CHN1: variants seen among roughly 807,000 people sequenced by gnomAD.
CHN1 encodes the protein N-chimaerin.
In CHN1, 37 loss-of-function variants were observed where a neutral mutation model predicts 59.5. The ratio of observed to expected loss-of-function variants is 0.62; its 90% CI spans 0.48 to 0.82. The LOEUF is 0.82. Among genes scored for constraint, CHN1 ranks in the 40% least tolerant of loss-of-function variants. The pLI is 0.00. For missense variants in CHN1, 469 were observed against 571.0 expected, an observed-to-expected ratio of 0.82 and a Z score of 1.82; for synonymous variants, 206 against 200.4, an observed-to-expected ratio of 1.03 and a Z score of -0.24.
chr2:174,961,547 C>A lies in CHN1; in HGVS notation c.20-9345G>T, dbSNP rs560233066. 2.4e-4 allele frequency among the ~76,000 whole-genome samples: 37 copies of A among 151,454 alleles called. 1 individual carries two copies. The highest frequency in any genetic ancestry group is 7.0e-4 in the African/African-American group (29 of 41,280). ...CGGAGGTTGCAGTGAGGTGAGATTG[C>A]GCCATTGCACTCCAGCCTGGGCAAA... On this transcript the variant is annotated intron_variant, in intron 1 of 12. Transcript: ENST00000409900.
At chr2:174,964,614 TA>T (rs1419012215) in intron 1 of CHN1, among the ~76,000 whole-genome samples, 1 of 152,170 alleles carries the variant, frequency 6.6e-6, no homozygotes, top group Non-Finnish European at 1.5e-5. Flanking sequence ...TTACGCATAA[TA>T]AAGCACCACA....
rs1014132019 is a variant in CHN1 at position 174,962,590 on chromosome 2, G to A, written c.20-10388C>T. Reference sequence around the variant, plus strand: ...GATAACCTATGACTTAAGAATAGCTGCTTAAAATATCTTTATCATGGTATG... The same window carrying A: ...GATAACCTATGACTTAAGAATAGCTACTTAAAATATCTTTATCATGGTATG... On this transcript the variant is annotated intron_variant, in intron 1 of 12. Transcript: ENST00000409900. Among the ~76,000 whole-genome samples, 3 of 144,766 alleles carry A rather than the reference G, an allele frequency of 2.1e-5. No homozygotes were observed. In the Admixed American group the frequency reaches 2.3e-4, roughly 11 times the overall value. The allele number at this position is 144,766 out of a possible 152,430, so 95.0% of individuals were successfully genotyped here. A position where few individuals can be genotyped will look rare whatever the true frequency, so the allele number is the denominator to read the frequency against.
At position 174,878,021 on chromosome 2, in the gene CHN1, G is replaced by A. The variant is rs1687624971; in HGVS notation, c.368C>T (p.Thr123Ile). The A allele has an allele frequency of 6.2e-7, 1 of 1,613,810 alleles. No homozygotes were observed. The highest frequency in any genetic ancestry group is 8.5e-7 in the Non-Finnish European group (1 of 1,179,814). The part of the protein sequence containing the change: ...IHDLVTDGLI[T>I]LYIETKAAEY... Reference sequence around the variant, plus strand: ...TGCTGCCTTGGTTTCAATATAGAGAGTAATCAAGCCATCAGTCACCAGATC... The same window carrying A: ...TGCTGCCTTGGTTTCAATATAGAGAATAATCAAGCCATCAGTCACCAGATC... Residue 123 changes from threonine to isoleucine, a missense_variant, in exon 6 of 13, where the codon ACT (threonine) becomes ATT (isoleucine). This residue lies in a region of CHN1 where 152 missense variants were observed against 166.1 expected (regional missense o/e 0.92). Coordinates refer to ENST00000409900, the MANE Select transcript of CHN1 (RefSeq NM_001822.7).
intron 5 of CHN1, among the ~76,000 whole-genome samples, chr2:174,884,939 A>G (rs1018333403): frequency 1.3e-5 from 2 of 152,180 alleles, no homozygotes; most frequent in African/African-American, 4.8e-5. Flanking sequence ...GACTTCATAA[A>G]TAGTTTCCCC....
intron 3 of CHN1, among the ~76,000 whole-genome samples, chr2:174,935,280 T>C (rs1689463860): frequency 6.6e-6 from 1 of 152,096 alleles, no homozygotes; most frequent in African/African-American, 2.4e-5. Flanking sequence ...GGAGAGGGAT[T>C]TTGCTTTATT....
intron 8 of CHN1, among the ~76,000 whole-genome samples, chr2:174,817,794 C>T (rs755310031): frequency 2.6e-5 from 4 of 152,088 alleles, no homozygotes; most frequent in South Asian, 2.1e-4. Context: ...CCCGCCACCA[C>T]GCCTGGCTAA....
intron 1 of CHN1, among the ~76,000 whole-genome samples, chr2:174,982,216 G>A (rs1691178130): frequency 6.6e-6 from 1 of 152,268 alleles, no homozygotes; most frequent in Non-Finnish European, 1.5e-5. Context: ...ATTTGGGTTG[G>A]TTCCAGGTCT....
chr2:174,994,028 G>A (rs1443679022), intron 1 of CHN1, among the ~76,000 whole-genome samples: 3 of 152,104 alleles, frequency 2.0e-5, no homozygotes, highest in Admixed American at 2.0e-4. Flanking sequence ...TTCCTATTCA[G>A]TTTGATTATG....
intron 5 of CHN1, among the ~76,000 whole-genome samples, chr2:174,883,583 G>A (rs1384657151): frequency 6.6e-6 from 1 of 152,074 alleles, no homozygotes; most frequent in African/African-American, 2.4e-5. Context: ...GGTCCCATAT[G>A]CTTCAATATG....
chr2:174,938,868 T>A (rs1237476197), intron 3 of CHN1, among the ~76,000 whole-genome samples: 5 of 152,134 alleles, frequency 3.3e-5, no homozygotes, highest in African/African-American at 1.2e-4. Context: ...TAAATATTTT[T>A]AAATATAAAC....
intron 1 of CHN1, among the ~76,000 whole-genome samples, chr2:174,994,973 C>A (rs1232955644): frequency 6.6e-6 from 1 of 152,094 alleles, no homozygotes; most frequent in East Asian, 1.9e-4. Context: ...TTTCCGATTA[C>A]AGACTCTCAT....
chr2:174,861,733 A>G lies in CHN1; in HGVS notation c.550-14776T>C, dbSNP rs77257066. Among the ~76,000 whole-genome samples the G allele has an allele frequency of 4.5e-3, 686 of 152,336 alleles. 8 individuals are homozygous for G. The highest frequency in any genetic ancestry group is 7.2e-3 in the Non-Finnish European group (493 of 68,024). ...AGGTATCTTAGCAACATAGCTGACTAAAGGAGACATTGAATTGAAAACAAT... is the reference window on the plus strand; with the variant it reads ...AGGTATCTTAGCAACATAGCTGACTGAAGGAGACATTGAATTGAAAACAAT... On this transcript the variant is annotated intron_variant, in intron 6 of 12. Transcript: ENST00000409900.
At chr2:174,801,895 T>A in intron 11 of CHN1, 83 bp from the exon 12 acceptor site, 1 of 1,021,740 alleles carries the variant, frequency 9.8e-7, no homozygotes, top group Non-Finnish European at 1.5e-6. Flanking sequence ...ATTCTTGTGA[T>A]AATGCTCTGA....
chr2:174,847,608 G>A, intron 6 of CHN1: 1 of 1,316,192 alleles, frequency 7.6e-7, no homozygotes, highest in Non-Finnish European at 1.0e-6. Flanking sequence ...GGAAGGTGGG[G>A]GGAAGGGAGG....
intron 7 of CHN1, among the ~76,000 whole-genome samples, chr2:174,827,615 C>T (rs140137900): frequency 1.1e-3 from 171 of 152,100 alleles, no homozygotes; most frequent in African/African-American, 3.6e-3. Context: ...GGGAGTGACA[C>T]GGTCAAGGGG....
At chr2:174,961,028 T>C (rs1013732147) in intron 1 of CHN1, among the ~76,000 whole-genome samples, 2 of 147,606 alleles carry the variant, frequency 1.4e-5, no homozygotes, top group Non-Finnish European at 1.5e-5. Context: ...CACAGGAAAC[T>C]GGGGTGGAAG....
rs372611145 is a variant in CHN1, at chr2:174,809,154, T to C, written c.965-112A>G. On this transcript the variant is annotated intron_variant, in intron 10 of 12. Coordinates refer to ENST00000409900, the MANE Select transcript of CHN1 (RefSeq NM_001822.7). The stretch of plus-strand genomic sequence containing the variant: ...TTTTAAAGATTAGCAATTCTTCAGT[T>C]TTTAACGTAAAATTTAGTGTGCTAC... 9 of 1,028,202 alleles carry C rather than the reference T, an allele frequency of 8.8e-6. No homozygotes were observed. The African/African-American group carries it at 1.3e-4, about 15-fold the overall frequency. The allele number at this position is 1,028,202 out of a possible 1,614,324, so 63.7% of individuals were successfully genotyped here. A position where few individuals can be genotyped will look rare whatever the true frequency, so the allele number is the denominator to read the frequency against.
chr2:174,959,218 T>A (rs947434356), intron 1 of CHN1, among the ~76,000 whole-genome samples: 1 of 152,216 alleles, frequency 6.6e-6, no homozygotes, highest in South Asian at 2.1e-4. Flanking sequence ...TAAGCTTAAC[T>A]GTGTAACAGG....
intron 1 of CHN1, among the ~76,000 whole-genome samples, chr2:174,999,933 G>C (rs866504603): frequency 6.6e-6 from 1 of 152,086 alleles, no homozygotes; most frequent in African/African-American, 2.4e-5. Context: ...GCTGCTTATA[G>C]GATGGTTACC....
Sources: allele counts gnomAD v4.1 joint callset (sites outside exome capture counted in the v4.1 genomes callset), GRCh38; gene constraint gnomAD v4.1.1; regional missense constraint gnomAD v4.1.1; transcripts MANE v1.5; gene names NCBI Gene and HGNC (gene_info 2026-07-23, HGNC 2026-07-21).